The following RBFOX3 variants were observed in gnomAD, a reference collection of about 807,000 sequenced individuals.
RBFOX3 encodes the protein RNA binding protein fox-1 homolog 3.
Under a neutral mutation model 48.7 loss-of-function variants are expected in RBFOX3, and 17 were observed. The ratio of observed to expected loss-of-function variants is 0.35; its 90% CI spans 0.24 to 0.52. The LOEUF is 0.52. Ranked by LOEUF, RBFOX3 falls within the 20% of genes least tolerant of loss-of-function variation. The probability of loss-of-function intolerance (pLI) is 0.94; values close to 1 mark genes in which losing one functional copy is unlikely to be tolerated. For missense variants in RBFOX3, 382 were observed against 497.5 expected (o/e 0.77, Z 2.21); for synonymous variants, 212 against 209.5 (o/e 1.01, Z -0.10).
chr17:79,623,046 A>T, the RBFOX3 span, among the ~76,000 whole-genome samples: 1 of 152,090 alleles, frequency 6.6e-6, no homozygotes, highest in South Asian at 2.1e-4. Context: ...ACTCATGTAC[A>T]CCTGACCGGG....
At chr17:79,125,301 T>G (rs1316533014) in intron 4 of RBFOX3, among the ~76,000 whole-genome samples, 1 of 152,146 alleles carries the variant, frequency 6.6e-6, no homozygotes, top group Non-Finnish European at 1.5e-5. Flanking sequence ...CCCTGTGCAC[T>G]AGCCCCACCA....
chr17:79,453,467 C>G (rs2073928074), intron 2 of RBFOX3, among the ~76,000 whole-genome samples: 1 of 152,268 alleles, frequency 6.6e-6, no homozygotes, highest in East Asian at 1.9e-4. Context: ...CCTTGGCACC[C>G]TTTGGGGTGG....
At chr17:79,529,636 G>T (rs938143101) in intron 1 of RBFOX3, among the ~76,000 whole-genome samples, 3 of 152,188 alleles carry the variant, frequency 2.0e-5, no homozygotes, top group African/African-American at 7.2e-5. Flanking sequence ...AGGGGTAGAG[G>T]ACACAGTCTG....
intron 1 of RBFOX3, among the ~76,000 whole-genome samples, chr17:79,581,271 A>G (rs1599212183): frequency 6.6e-6 from 1 of 152,014 alleles, no homozygotes; most frequent in Non-Finnish European, 1.5e-5. Context: ...ACAAACAAAA[A>G]AACAAACAAA....
At chr17:79,475,944 C>T (rs370510053) in intron 2 of RBFOX3, among the ~76,000 whole-genome samples, 7 of 152,312 alleles carry the variant, frequency 4.6e-5, no homozygotes, top group Middle Eastern at 6.8e-3. Flanking sequence ...GAAGAGCTAT[C>T]GTGAGAAGCC....
rs1555729654 is a variant in RBFOX3, at chr17:79,171,649, A to AAGAG, written c.-33-55902_-33-55901insCTCT. Among the ~76,000 whole-genome samples the AAGAG allele has an allele frequency of 1.2e-4, 7 of 57,854 alleles. No individual in the cohort carries two copies. In the African/African-American group the frequency reaches 1.2e-3, roughly 10 times the overall value. The allele number at this position is 57,854 out of a possible 152,430, so 38.0% of individuals were successfully genotyped here. On this transcript the variant is annotated intron_variant, in intron 4 of 14. Coordinates refer to ENST00000693108, the MANE Select transcript of RBFOX3 (RefSeq NM_001350451.2). ...CTTTTTTTTTATAAATTAAAAAAAAAATAGATCTTGCCACTTTGCCCAGGC... is the reference window on the plus strand; with the variant it reads ...CTTTTTTTTTATAAATTAAAAAAAAAAGAGATAGATCTTGCCACTTTGCCCAGGC...
Position 79,094,475 on chromosome 17 carries a change from C to T in RBFOX3, c.1053G>A (p.Ala351=), listed in dbSNP as rs1305432887. The T allele has an allele frequency of 2.0e-5, 29 of 1,451,008 alleles. No homozygotes were observed. The East Asian group carries it at 3.1e-4, about 16-fold the overall frequency. 89.9% of individuals were successfully genotyped at this position (1,451,008 alleles called of 1,614,324 possible). A position where few individuals can be genotyped will look rare whatever the true frequency, so the allele number is the denominator to read the frequency against. The part of the protein sequence containing the change: ...ADPYHHTIGP[A]ATYSIGTM ...CCATGGTTCCAATGCTGTAGGTCGC[C>T]GCGGGCCCGATGGTGTGATGGTACG... is the stretch of plus-strand genomic sequence containing the variant. Residue 351 remains alanine (A), a synonymous_variant, in exon 14 of 15, where the codon GCG becomes GCA. Coordinates refer to ENST00000693108, the MANE Select transcript of RBFOX3 (RefSeq NM_001350451.2).
At chr17:79,646,484 C>A in the RBFOX3 span, among the ~76,000 whole-genome samples, 2 of 152,294 alleles carry the variant, frequency 1.3e-5, no homozygotes, top group East Asian at 1.9e-4. Context: ...AAAGGAGAAG[C>A]AAACGCATGT....
intron 2 of RBFOX3, among the ~76,000 whole-genome samples, chr17:79,404,655 C>T (rs112245187): frequency 7.0e-6 from 1 of 142,162 alleles, no homozygotes; most frequent in East Asian, 2.0e-4. Context: ...GCCCTCCTCA[C>T]CACCCCTGTG....
intron 2 of RBFOX3, among the ~76,000 whole-genome samples, chr17:79,414,617 T>C (rs1025306173): frequency 6.6e-6 from 1 of 152,138 alleles, no homozygotes. Context: ...GCCTGCCTGC[T>C]CCAGGCTGCG....
At chr17:79,091,018 C>T (rs2073782560) in intron 14 of RBFOX3, 133 bp from the exon 15 acceptor site, 1 of 879,130 alleles carries the variant, frequency 1.1e-6, no homozygotes, top group Non-Finnish European at 1.7e-6. Flanking sequence ...CCCCAGGTTT[C>T]CAGGACCCTC....
intron 1 of RBFOX3, among the ~76,000 whole-genome samples, chr17:79,593,805 C>T (rs1364639749): frequency 6.6e-6 from 1 of 152,162 alleles, no homozygotes; most frequent in Non-Finnish European, 1.5e-5. Context: ...TCATCTGCAG[C>T]GGCCCAACGT....
At chr17:79,448,497 G>A (rs559652760) in intron 2 of RBFOX3, among the ~76,000 whole-genome samples, 1 of 152,302 alleles carries the variant, frequency 6.6e-6, no homozygotes, top group East Asian at 1.9e-4. Context: ...GGAGACAGAG[G>A]CAGGGACTGC....
the RBFOX3 span, among the ~76,000 whole-genome samples, chr17:79,655,049 G>A: frequency 6.6e-6 from 1 of 152,172 alleles, no homozygotes; most frequent in Non-Finnish European, 1.5e-5. Flanking sequence ...GCTTCCCGAC[G>A]AGGCTGTTGG....
chr17:79,096,653 A>G lies in RBFOX3; in HGVS notation c.936T>C (p.Tyr312=), dbSNP rs549038302. Residue 312 remains tyrosine (Y), a splice_region_variant and synonymous_variant, in exon 12 of 15, where the codon TAT becomes TAC. Coordinates refer to ENST00000693108, the MANE Select transcript of RBFOX3 (RefSeq NM_001350451.2). ...TCCCTCCCGGCGGGGCTACACTTAC[A>G]TAAATCTCAGCACCATAAAATCCAT... ...YQDGFYGAEI[Y]GGYAAYRYAQ... is the part of the protein sequence containing the mutation. 1.3e-6 allele frequency: 2 copies of G among 1,548,414 alleles called. No homozygotes were observed. The highest frequency in any genetic ancestry group is 2.4e-5 in the South Asian group (2 of 83,976).
At chr17:79,192,386 A>G (rs2054696413) in intron 4 of RBFOX3, among the ~76,000 whole-genome samples, 1 of 152,120 alleles carries the variant, frequency 6.6e-6, no homozygotes, top group Non-Finnish European at 1.5e-5. Flanking sequence ...TGATTAATAT[A>G]CAGCCAACAG....
intron 3 of RBFOX3, among the ~76,000 whole-genome samples, chr17:79,247,548 G>A (rs921188549): frequency 6.6e-6 from 1 of 152,164 alleles, no homozygotes; most frequent in African/African-American, 2.4e-5. Context: ...TTGACCTCAA[G>A]TGATCCGCCC....
At chr17:79,377,614 G>A (rs1598434763) in intron 2 of RBFOX3, among the ~76,000 whole-genome samples, 1 of 152,188 alleles carries the variant, frequency 6.6e-6, no homozygotes, top group Non-Finnish European at 1.5e-5. Flanking sequence ...GGTGACAGCC[G>A]GAGCAGGGAG....
At chr17:79,187,942 T>TA (rs1567809505) in intron 4 of RBFOX3, among the ~76,000 whole-genome samples, 3 of 152,182 alleles carry the variant, frequency 2.0e-5, no homozygotes, top group South Asian at 4.1e-4. Context: ...AGCCTTTTTT[T>TA]AAAAAAATGT....
Sources: allele counts gnomAD v4.1 joint callset (sites outside exome capture counted in the v4.1 genomes callset), GRCh38; gene constraint gnomAD v4.1.1; transcripts MANE v1.5; gene names NCBI Gene and HGNC (gene_info 2026-07-23, HGNC 2026-07-21).